The following PBX1 variants were observed in gnomAD, a reference collection of about 807,000 sequenced individuals.
PBX1 encodes pre-B-cell leukemia transcription factor 1.
In PBX1, 6 loss-of-function variants were observed where a neutral mutation model predicts 53.4. That is an observed-to-expected ratio of 0.11 (90% CI 0.06 to 0.22). PBX1 has a LOEUF of 0.22. PBX1 is among the 10% of genes least tolerant of loss of function. The pLI is 1.00. For missense variants in PBX1, 251 were observed against 551.4 expected, an observed-to-expected ratio of 0.46 and a Z score of 5.46; for synonymous variants, 204 against 212.3, an observed-to-expected ratio of 0.96 and a Z score of 0.34.
chr1:164,561,957 T>C (rs1257617597), intron 1 of PBX1, among the ~76,000 whole-genome samples: 1 of 152,130 alleles, frequency 6.6e-6, no homozygotes, highest in Non-Finnish European at 1.5e-5. Context: ...CATCTTTTTT[T>C]TTTTCTACCC....
intron 7 of PBX1, among the ~76,000 whole-genome samples, chr1:164,820,587 A>T (rs1461139384): frequency 6.6e-6 from 1 of 152,200 alleles, no homozygotes; most frequent in Non-Finnish European, 1.5e-5. Flanking sequence ...AGAGGCAATT[A>T]ACAAGCAAGC....
intron 2 of PBX1, among the ~76,000 whole-genome samples, chr1:164,737,413 A>AT (rs1665355112): frequency 6.6e-6 from 1 of 152,148 alleles, no homozygotes; most frequent in South Asian, 2.1e-4. Context: ...TAATTCACCA[A>AT]TTTTAAGTAT....
rs6143458 is a variant in PBX1 at position 164,562,452 on chromosome 1, T to TACACACACACACACACACACAC, written c.192-765_192-744dup. ...TTTTGTTCCTCAAGTGCATTCAGAA[T>TACACACACACACACACACACAC]ACACACACACACACACACACACACA... On this transcript the variant is annotated intron_variant, in intron 1 of 8. Coordinates refer to ENST00000420696, the MANE Select transcript of PBX1 (RefSeq NM_002585.4). Among the ~76,000 whole-genome samples the TACACACACACACACACACACAC allele has an allele frequency of 6.0e-4, 86 of 143,390 alleles. No homozygotes were observed. The East Asian group carries it at 9.3e-3, about 15-fold the overall frequency. 94.1% of individuals were successfully genotyped at this position (143,390 alleles called of 152,430 possible).
Position 164,849,426 on chromosome 1 carries a change from A to T in PBX1, c.*2750A>T, listed in dbSNP as rs1326156659. ...GAGATCTGTCCACATTAGGCGAAGC[A>T]GGAGAACACTGAGAGCAGCAGGATG... On this transcript the variant is annotated 3_prime_UTR_variant, in exon 9 of 9. Transcript: ENST00000420696. The T allele has an allele frequency of 7.2e-6, 11 of 1,535,498 alleles. No homozygotes were observed. In the Admixed American group the frequency reaches 2.2e-4, roughly 30 times the overall value.
rs192435858 is a variant in PBX1, at chr1:164,823,996, A to G, written c.1200+2370A>G. On this transcript the variant is annotated intron_variant, in intron 8 of 8. Transcript: ENST00000420696. ...ATAGAGCAGGACAATGACTGCCAGC[A>G]GGAGAGAGAGAGGAGGGGAGACAAG... Among the ~76,000 whole-genome samples, 425 of 152,302 alleles carry G rather than the reference A, an allele frequency of 2.8e-3. 1 individual carries two copies. Among genetic ancestry groups the G allele is most frequent in the African/African-American group, 9.6e-3 (401 of 41,566 alleles).
intron 2 of PBX1, among the ~76,000 whole-genome samples, chr1:164,767,774 C>G (rs1667141393): frequency 6.6e-6 from 1 of 152,102 alleles, no homozygotes; most frequent in South Asian, 2.1e-4. Flanking sequence ...GGTCCCAGTA[C>G]CTTCCACATA....
At chr1:164,731,186 C>T (rs904345697) in intron 2 of PBX1, among the ~76,000 whole-genome samples, 1 of 152,112 alleles carries the variant, frequency 6.6e-6, no homozygotes. Context: ...GCTCTAGGGA[C>T]TTCTCCATAA....
chr1:164,674,808 A>C (rs1003973046), intron 2 of PBX1: 1 of 148,628 alleles, frequency 6.7e-6, no homozygotes, highest in Non-Finnish European at 1.5e-5. Flanking sequence ...ATGGAGACAA[A>C]AAGTGACAGT....
rs1671670054 is a variant in PBX1 at position 164,848,345 on chromosome 1, C to CAT, written c.*1670_*1671dup. 9.5e-7 allele frequency: 1 copy of CAT among 1,057,150 alleles called. No individual in the cohort carries two copies. The highest frequency in any genetic ancestry group is 5.3e-5 in the East Asian group (1 of 19,042). The allele number at this position is 1,057,150 out of a possible 1,614,324, so 65.5% of individuals were successfully genotyped here. A position where few individuals can be genotyped will look rare whatever the true frequency, so the allele number is the denominator to read the frequency against. On this transcript the variant is annotated 3_prime_UTR_variant, in exon 9 of 9. Coordinates refer to ENST00000420696, the MANE Select transcript of PBX1 (RefSeq NM_002585.4). ...GAGGTGGTCAAATATTTTGGTGCCT[C>CAT]ATTTTCTTCATCTGTGAGATGGGAA...
chr1:164,690,698 C>A (rs1312423851), intron 2 of PBX1, among the ~76,000 whole-genome samples: 3 of 151,530 alleles, frequency 2.0e-5, no homozygotes, highest in Non-Finnish European at 4.4e-5. Context: ...TACTCTACTA[C>A]CAGTAATATA....
At chr1:164,638,919 G>A (rs951559313) in intron 2 of PBX1, among the ~76,000 whole-genome samples, 1 of 152,206 alleles carries the variant, frequency 6.6e-6, no homozygotes, top group Non-Finnish European at 1.5e-5. Context: ...CAAGAAAAAG[G>A]GAGTGTGCAG....
At chr1:164,567,618 A>T (rs530739243) in intron 2 of PBX1, among the ~76,000 whole-genome samples, 99 of 152,356 alleles carry the variant, frequency 6.5e-4, no homozygotes, top group African/African-American at 2.2e-3. Flanking sequence ...CCGTAGACCT[A>T]CAACAATATA....
chr1:164,636,102 T>C (rs1658759451), intron 2 of PBX1, among the ~76,000 whole-genome samples: 2 of 152,098 alleles, frequency 1.3e-5, no homozygotes, highest in African/African-American at 4.8e-5. Flanking sequence ...CTCCAGTCAG[T>C]GGGCACCCCC....
chr1:164,621,280 C>T (rs1657660955), intron 2 of PBX1, among the ~76,000 whole-genome samples: 1 of 152,244 alleles, frequency 6.6e-6, no homozygotes, highest in African/African-American at 2.4e-5. Flanking sequence ...AGCCACCGCG[C>T]CCTTCCTCCC....
intron 8 of PBX1, among the ~76,000 whole-genome samples, chr1:164,832,720 T>G (rs1049751018): frequency 7.9e-5 from 12 of 151,956 alleles, no homozygotes; most frequent in Non-Finnish European, 1.6e-4. Context: ...AAGAAAGAAT[T>G]TAGTAATCAA....
At chr1:164,705,315 T>C (rs528511116) in intron 2 of PBX1, among the ~76,000 whole-genome samples, 14 of 152,296 alleles carry the variant, frequency 9.2e-5, no homozygotes, top group African/African-American at 3.4e-4. Flanking sequence ...ATAAATAATA[T>C]AGGTTGTGTT....
intron 2 of PBX1, among the ~76,000 whole-genome samples, chr1:164,605,709 G>A (rs1656500834): frequency 6.6e-6 from 1 of 152,140 alleles, no homozygotes; most frequent in Non-Finnish European, 1.5e-5. Flanking sequence ...AAATGTGTAG[G>A]GTGCTGGGTT....
intron 2 of PBX1, among the ~76,000 whole-genome samples, chr1:164,764,701 C>G (rs1666978946): frequency 6.6e-6 from 1 of 152,114 alleles, no homozygotes; most frequent in African/African-American, 2.4e-5. Context: ...TTATAGCCCA[C>G]CTACATGGAA....
rs190499374 is a variant in PBX1, at chr1:164,698,897, G to C, written c.266-93597G>C. 2.2e-3 allele frequency among the ~76,000 whole-genome samples: 342 copies of C among 152,318 alleles called. 4 individuals carry two copies. The highest frequency in any genetic ancestry group is 6.8e-3 in the African/African-American group (283 of 41,566). ...TGCCTCCATTTTACATGTGAGGACA[G>C]AGCACAGGGGGGTTTTGAAACAAGG... On this transcript the variant is annotated intron_variant, in intron 2 of 8. Transcript: ENST00000420696.
Sources: allele counts gnomAD v4.1 joint callset (sites outside exome capture counted in the v4.1 genomes callset), GRCh38; gene constraint gnomAD v4.1.1; transcripts MANE v1.5; gene names NCBI Gene and HGNC (gene_info 2026-07-23, HGNC 2026-07-21).